ATRNL1: variants seen among roughly 807,000 people sequenced by gnomAD.
The protein encoded by ATRNL1 is attractin-like protein 1.
Under a neutral mutation model 182.7 loss-of-function variants are expected in ATRNL1, and 95 were observed. That is an observed-to-expected ratio of 0.52 (90% CI 0.44 to 0.62). The LOEUF (loss-of-function observed/expected upper bound fraction) is 0.62, where lower values mean the gene tolerates loss of function less well. Among genes scored for constraint, ATRNL1 ranks in the 20% least tolerant of loss-of-function variants. The pLI, the probability that ATRNL1 is intolerant of heterozygous loss-of-function variation, is 0.00. For missense variants in ATRNL1, 1,471 were observed against 1,679.5 expected (o/e 0.88, Z 2.17); for synonymous variants, 576 against 568.3 (o/e 1.01, Z -0.19).
chr10:115,728,338 C>T (rs1162704471), intron 27 of ATRNL1, among the ~76,000 whole-genome samples: 1 of 139,630 alleles, frequency 7.2e-6, no homozygotes, highest in African/African-American at 2.6e-5. Flanking sequence ...GCAAAATTCA[C>T]AAATTATGAT....
At chr10:115,873,248 C>A (rs4751570) in intron 28 of ATRNL1, among the ~76,000 whole-genome samples, 142,289 of 152,270 alleles carry the variant, frequency 0.93, 67,163 homozygotes, top group East Asian at 1. Context: ...AAAGAAAAAT[C>A]TTGCCAAGGC....
intron 26 of ATRNL1, among the ~76,000 whole-genome samples, chr10:115,624,457 CAT>C (rs1857967302): frequency 6.6e-6 from 1 of 151,860 alleles, no homozygotes; most frequent in Non-Finnish European, 1.5e-5. Context: ...ATTGGAATGA[CAT>C]AATTGTTTTG....
In ATRNL1 at chr10:115,791,164, CTT is replaced by C. The variant is rs1565381936; in HGVS notation, c.3904-56711_3904-56710del. ...GCTTACTTCCTTACCTGCTTCAAGT[CTT>C]TACTCAAATGTCACCTTTTCAGTGA... On this transcript the variant is annotated intron_variant, in intron 27 of 28. Coordinates refer to ENST00000355044, the MANE Select transcript of ATRNL1 (RefSeq NM_207303.4). Among the ~76,000 whole-genome samples the C allele has an allele frequency of 2.0e-5, 3 of 152,234 alleles. No individual in the cohort carries two copies. In the South Asian group the frequency reaches 6.2e-4, roughly 32 times the overall value.
chr10:115,602,478 A>G (rs1295659082), intron 26 of ATRNL1, among the ~76,000 whole-genome samples: 3 of 152,172 alleles, frequency 2.0e-5, no homozygotes, highest in African/African-American at 7.2e-5. Context: ...AGTGTCTTAT[A>G]TGCTTACTCA....
chr10:115,271,170 A>ACG, intron 13 of ATRNL1, among the ~76,000 whole-genome samples: 1 of 76,412 alleles, frequency 1.3e-5, no homozygotes, highest in African/African-American at 3.1e-5. Context: ...GATATTACAC[A>ACG]CACACACACA....
chr10:115,334,503 T>C lies in ATRNL1; in HGVS notation c.3175+84T>C, dbSNP rs1855389580. On this transcript the variant is annotated intron_variant, in intron 19 of 28. Transcript: ENST00000355044. ...AGCAGCGCCTGTTGTGGAGAATATA[T>C]ACTACTACAGAAAATTTTTTACTCA... is the stretch of plus-strand genomic sequence containing the variant. 8 of 1,039,852 alleles carry C rather than the reference T, an allele frequency of 7.7e-6. No homozygotes were observed. In the South Asian group the frequency reaches 2.6e-4, roughly 34 times the overall value. The allele number at this position is 1,039,852 out of a possible 1,614,324, so 64.4% of individuals were successfully genotyped here. A position where few individuals can be genotyped will look rare whatever the true frequency, so the allele number is the denominator to read the frequency against.
rs564555723 is a variant in ATRNL1, at chr10:115,342,319, T to C, written c.3175+7900T>C. On this transcript the variant is annotated intron_variant, in intron 19 of 28. Coordinates refer to ENST00000355044, the MANE Select transcript of ATRNL1 (RefSeq NM_207303.4). Reference sequence around the variant, plus strand: ...CCTTTTTTTTCCTGGTGATATGATATAGTTTTTTAGTTTTTATTTTTTGTG... The same window carrying C: ...CCTTTTTTTTCCTGGTGATATGATACAGTTTTTTAGTTTTTATTTTTTGTG... Among the ~76,000 whole-genome samples the C allele has an allele frequency of 3.3e-5, 5 of 152,126 alleles. No individual in the cohort carries two copies. The South Asian group carries it at 8.3e-4, about 25-fold the overall frequency.
At chr10:115,848,276 G>A (rs567229767) in intron 28 of ATRNL1, among the ~76,000 whole-genome samples, 23 of 152,138 alleles carry the variant, frequency 1.5e-4, no homozygotes, top group Non-Finnish European at 3.1e-4. Flanking sequence ...GAATTACAAT[G>A]AGAAATCTCA....
intron 26 of ATRNL1, among the ~76,000 whole-genome samples, chr10:115,605,048 T>C (rs1048380146): frequency 6.6e-6 from 1 of 152,180 alleles, no homozygotes; most frequent in Non-Finnish European, 1.5e-5. Flanking sequence ...TAAATTAACA[T>C]GAGGGACATA....
chr10:115,783,976 G>A (rs1458258445), intron 27 of ATRNL1, among the ~76,000 whole-genome samples: 2 of 152,160 alleles, frequency 1.3e-5, no homozygotes, highest in African/African-American at 4.8e-5. Flanking sequence ...TTGTGCCACT[G>A]CCCTCCAGCC....
intron 10 of ATRNL1, among the ~76,000 whole-genome samples, chr10:115,251,979 C>CT (rs1554905464): frequency 1.3e-5 from 2 of 152,160 alleles, no homozygotes; most frequent in African/African-American, 4.8e-5. Context: ...CACTTGTACT[C>CT]TCCCACCTCC....
chr10:115,695,260 C>T (rs965367851), intron 26 of ATRNL1, among the ~76,000 whole-genome samples: 1 of 152,062 alleles, frequency 6.6e-6, no homozygotes, highest in African/African-American at 2.4e-5. Context: ...TTTTTATGCT[C>T]ATCAGTCAGG....
intron 26 of ATRNL1, among the ~76,000 whole-genome samples, chr10:115,610,716 A>T (rs906942719): frequency 2.3e-4 from 35 of 152,168 alleles, no homozygotes; most frequent in Non-Finnish European, 4.9e-4. Context: ...AGGTCTTTGA[A>T]CAGTGCTTAC....
chr10:115,522,327 G>A (rs146124030), intron 25 of ATRNL1, among the ~76,000 whole-genome samples: 9 of 152,220 alleles, frequency 5.9e-5, no homozygotes, highest in South Asian at 2.1e-4. Flanking sequence ...AAGAGGAAGC[G>A]GAGCTGGCAT....
At chr10:115,672,827 C>T (rs1489699656) in intron 26 of ATRNL1, among the ~76,000 whole-genome samples, 1 of 151,968 alleles carries the variant, frequency 6.6e-6, no homozygotes. Context: ...AAAAGAAATT[C>T]CTTTCTGAAT....
At chr10:115,556,726 T>C (rs1853334585) in intron 26 of ATRNL1, among the ~76,000 whole-genome samples, 1 of 151,952 alleles carries the variant, frequency 6.6e-6, no homozygotes, top group African/African-American at 2.4e-5. Flanking sequence ...TATTGATATG[T>C]AATATAAAGA....
At chr10:115,151,351 A>G (rs1343256934) in intron 5 of ATRNL1, among the ~76,000 whole-genome samples, 98 of 152,246 alleles carry the variant, frequency 6.4e-4, no homozygotes, top group African/African-American at 2.1e-3. Flanking sequence ...GTGTAAAAGC[A>G]TTCCTATTTC....
intron 26 of ATRNL1, among the ~76,000 whole-genome samples, chr10:115,604,156 AT>A (rs1412257231): frequency 1.3e-5 from 2 of 151,988 alleles, no homozygotes; most frequent in Non-Finnish European, 2.9e-5. Flanking sequence ...GACATTCTAT[AT>A]TTTTATGTTA....
chr10:115,765,477 T>G (rs1555074797), intron 27 of ATRNL1, among the ~76,000 whole-genome samples: 1 of 152,232 alleles, frequency 6.6e-6, no homozygotes, highest in Admixed American at 6.5e-5. Context: ...AGGTGTCAGT[T>G]AACAGTCTTT....
Sources: allele counts gnomAD v4.1 joint callset (sites outside exome capture counted in the v4.1 genomes callset), GRCh38; gene constraint gnomAD v4.1.1; transcripts MANE v1.5; gene names NCBI Gene and HGNC (gene_info 2026-07-23, HGNC 2026-07-21).